The following TFDP1 variants were observed in gnomAD, a reference collection of about 807,000 sequenced individuals.
TFDP1 encodes the protein transcription factor Dp-1.
A neutral mutation model predicts 48.0 loss-of-function variants in TFDP1; 6 were observed. The ratio of observed to expected loss-of-function variants is 0.13; its 90% CI spans 0.07 to 0.25. The LOEUF (loss-of-function observed/expected upper bound fraction) is 0.25, where lower values mean the gene tolerates loss of function less well. Among genes scored for constraint, TFDP1 ranks in the 10% least tolerant of loss-of-function variants. The probability of loss-of-function intolerance (pLI) is 1.00; values close to 1 mark genes in which losing one functional copy is unlikely to be tolerated. For synonymous variants in TFDP1, 201 were observed against 211.6 expected, an observed-to-expected ratio of 0.95 and a Z score of 0.44; for missense variants, 335 against 543.0, an observed-to-expected ratio of 0.62 and a Z score of 3.81.
intron 3 of TFDP1, among the ~76,000 whole-genome samples, chr13:113,618,891 A>G (rs2048926084): frequency 6.6e-6 from 1 of 152,252 alleles, no homozygotes; most frequent in Non-Finnish European, 1.5e-5. Context: ...GCCATATAAT[A>G]TTTGTCTGTG....
Position 113,640,104 on chromosome 13 carries a change from G to C in TFDP1, c.1086-16G>C. ...GCCGCCTGCACTGACGGCGCCATCCGCCTCCTGCCTTGCAGTGACCTGACC... is the reference window on the plus strand; with the variant it reads ...GCCGCCTGCACTGACGGCGCCATCCCCCTCCTGCCTTGCAGTGACCTGACC... On this transcript the variant is annotated splice_polypyrimidine_tract_variant and intron_variant, in intron 11 of 11. Transcript: ENST00000375370. 1 of 1,574,616 alleles carries C rather than the reference G, an allele frequency of 6.4e-7. No individual in the cohort carries two copies. The highest frequency in any genetic ancestry group is 8.6e-7 in the Non-Finnish European group (1 of 1,162,088).
rs917045151 is a variant in TFDP1 at position 113,598,819 on chromosome 13, T to A, written c.13-12177T>A. Among the ~76,000 whole-genome samples, 3 of 152,166 alleles carry A rather than the reference T, an allele frequency of 2.0e-5. No individual in the cohort carries two copies. Among genetic ancestry groups the A allele is most frequent in the African/African-American group, 7.2e-5 (3 of 41,436 alleles). ...GGGTAGCCAGCTTCCTCTGACTCTT[T>A]CTTAGGGTGATGTTGGGCACCACCC... On this transcript the variant is annotated intron_variant, in intron 2 of 11. Transcript: ENST00000375370. The surrounding 1 kb of genome is among the most constrained non-coding windows in gnomAD (Gnocchi z 4.2).
chr13:113,586,008 G>A (rs1454883492), intron 2 of TFDP1, 159 bp downstream of exon 2: 2 of 785,706 alleles, frequency 2.5e-6, no homozygotes, highest in Non-Finnish European at 3.9e-6. Context: ...AAAGATGGAA[G>A]GATCTGATCT....
intron 4 of TFDP1, among the ~76,000 whole-genome samples, chr13:113,629,132 C>T (rs1377110574): frequency 2.0e-5 from 3 of 152,192 alleles, no homozygotes; most frequent in Non-Finnish European, 2.9e-5. Flanking sequence ...GACAGTGCTG[C>T]GGAGACACAG....
At chr13:113,590,220 C>T (rs1231808157) in intron 2 of TFDP1, among the ~76,000 whole-genome samples, 4 of 152,144 alleles carry the variant, frequency 2.6e-5, no homozygotes, top group Admixed American at 6.5e-5. Context: ...TTGTGAAAGC[C>T]GTTCTGTGGT....
In TFDP1 at chr13:113,627,682, C is replaced by G. The variant is rs1041101151; in HGVS notation, c.187-3941C>G. ...AAGCTGGCCGCACAGCCGCCTGAGCCCTGCCTCCTGTCAGATCCCAGCATT... is the reference window on the plus strand; with the variant it reads ...AAGCTGGCCGCACAGCCGCCTGAGCGCTGCCTCCTGTCAGATCCCAGCATT... On this transcript the variant is annotated intron_variant, in intron 4 of 11. Coordinates refer to ENST00000375370, the MANE Select transcript of TFDP1 (RefSeq NM_007111.5). This position sits in a 1 kb window ranked among gnomAD's most constrained non-coding sequence, Gnocchi z 4.1. Among the ~76,000 whole-genome samples, 4 of 150,944 alleles carry G rather than the reference C, an allele frequency of 2.6e-5. No homozygotes were observed. The highest frequency in any genetic ancestry group is 5.0e-5 in the African/African-American group (2 of 40,256).
intron 3 of TFDP1, among the ~76,000 whole-genome samples, chr13:113,617,796 T>G (rs2048900316): frequency 6.6e-6 from 1 of 152,236 alleles, no homozygotes; most frequent in Non-Finnish European, 1.5e-5. Flanking sequence ...AACGTAAAGA[T>G]GTTAAAATTG....
intron 4 of TFDP1, among the ~76,000 whole-genome samples, chr13:113,628,154 G>A (rs1220674593): frequency 4.0e-5 from 6 of 151,750 alleles, no homozygotes; most frequent in Admixed American, 6.6e-5. Context: ...GTCTGGAGCC[G>A]TGTAAAGACT....
intron 9 of TFDP1, 81 bp downstream of exon 9, chr13:113,636,209 C>A: frequency 6.5e-7 from 1 of 1,527,892 alleles, no homozygotes; most frequent in Non-Finnish European, 8.9e-7. Flanking sequence ...GTCACTAGGA[C>A]AAGTTTTAAA....
chr13:113,628,936 T>C (rs2049262455), intron 4 of TFDP1, among the ~76,000 whole-genome samples: 1 of 152,216 alleles, frequency 6.6e-6, no homozygotes, highest in South Asian at 2.1e-4. Context: ...GAAGGCGTCC[T>C]GTGGCACAGG....
chr13:113,634,228 A>G (rs1202500305), intron 7 of TFDP1, 195 bp downstream of exon 7: 7 of 783,442 alleles, frequency 8.9e-6, no homozygotes, highest in Non-Finnish European at 1.5e-5. Flanking sequence ...GCCCAGACCC[A>G]CTAGAGTCTG....
Position 113,636,036 on chromosome 13 carries a change from G to A in TFDP1, c.747G>A (p.Arg249=), listed in dbSNP as rs372891699. The change falls in exon 9 of 12, where the codon CGG becomes CGA. Residue 249 remains arginine, a synonymous_variant. Coordinates refer to ENST00000375370, the MANE Select transcript of TFDP1 (RefSeq NM_007111.5). ...GGCATGCGGAGCAGCAGGCCAGCCG[G>A]CCACCGCCACCCAACTCAGTCATCC... ...RNRHAEQQAS[R]PPPPNSVIHL... 1 of 1,614,156 alleles carries A rather than the reference G, an allele frequency of 6.2e-7. No homozygotes were observed. Among genetic ancestry groups the A allele is most frequent in the Middle Eastern group, 1.6e-4 (1 of 6,062 alleles).
intron 4 of TFDP1, among the ~76,000 whole-genome samples, chr13:113,628,166 T>C (rs1303114931): frequency 6.6e-6 from 1 of 151,716 alleles, no homozygotes; most frequent in East Asian, 1.9e-4. Flanking sequence ...GTAAAGACTG[T>C]GTCTGAAGCC....
Position 113,627,188 on chromosome 13 carries a change from C to T in TFDP1, c.186+3902C>T, listed in dbSNP as rs920954502. Among the ~76,000 whole-genome samples the T allele has an allele frequency of 1.3e-5, 2 of 152,310 alleles. No individual in the cohort carries two copies. The highest frequency in any genetic ancestry group is 4.8e-5 in the African/African-American group (2 of 41,560). On this transcript the variant is annotated intron_variant, in intron 4 of 11. Transcript: ENST00000375370. The surrounding 1 kb of genome is among the most constrained non-coding windows in gnomAD (Gnocchi z 4.1). ...CTCAGTCCGGGCATGTGAGTGAAAGCGGTGGGGAGGTCCTTAGGTCTCTGA... is the reference window on the plus strand; with the variant it reads ...CTCAGTCCGGGCATGTGAGTGAAAGTGGTGGGGAGGTCCTTAGGTCTCTGA...
intron 2 of TFDP1, among the ~76,000 whole-genome samples, chr13:113,594,331 G>C (rs1462224994): frequency 6.6e-6 from 1 of 150,816 alleles, no homozygotes; most frequent in Non-Finnish European, 1.5e-5. Context: ...CCAGGTGACA[G>C]GTGTGCTGTG....
rs1314921989 is a variant in TFDP1, at chr13:113,607,563, G to A, written c.13-3433G>A. Reference sequence around the variant, plus strand: ...CTCTCCTCATTGCTGCCGTCACTGTGTGCTGCGCATGCCCTGCAGTTACCC... The same window carrying A: ...CTCTCCTCATTGCTGCCGTCACTGTATGCTGCGCATGCCCTGCAGTTACCC... On this transcript the variant is annotated intron_variant, in intron 2 of 11. Transcript: ENST00000375370. The surrounding 1 kb of genome is among the most constrained non-coding windows in gnomAD (Gnocchi z 5.2). Among the ~76,000 whole-genome samples, 2 of 152,214 alleles carry A rather than the reference G, an allele frequency of 1.3e-5. No individual in the cohort carries two copies. Among genetic ancestry groups the A allele is most frequent in the African/African-American group, 2.4e-5 (1 of 41,440 alleles).
chr13:113,632,041 G>A (rs1449033341), intron 5 of TFDP1: 3 of 403,708 alleles, frequency 7.4e-6, no homozygotes, highest in Non-Finnish European at 1.4e-5. Flanking sequence ...AGCTGGCCTC[G>A]TACTCGCCAC....
intron 2 of TFDP1, among the ~76,000 whole-genome samples, chr13:113,601,340 C>CGGCTGCTGGTGGGATCCCGTTCCTTGTG (rs2048420679): frequency 6.6e-6 from 1 of 150,416 alleles, no homozygotes. Context: ...TTAACTCACC[C>CGGCTGCTGGTGGGATCCCGTTCCTTGTG]GGCTGCTGGT....
chr13:113,589,150 G>A (rs543767242), intron 2 of TFDP1, among the ~76,000 whole-genome samples: 1 of 152,262 alleles, frequency 6.6e-6, no homozygotes, highest in Admixed American at 6.5e-5. Flanking sequence ...GAAATGGTGA[G>A]AAGGATTAGG....
Sources: allele counts gnomAD v4.1 joint callset (sites outside exome capture counted in the v4.1 genomes callset), GRCh38; gene constraint gnomAD v4.1.1; non-coding constraint Gnocchi (gnomAD v3.1); transcripts MANE v1.5; gene names NCBI Gene and HGNC (gene_info 2026-07-23, HGNC 2026-07-21).